KDM4C: variants seen among roughly 807,000 people sequenced by gnomAD.
KDM4C encodes the protein lysine demethylase 4C, also known as lysine-specific demethylase 4C.
KDM4C carries 81 observed loss-of-function variants against 129.3 expected under a neutral mutation model. The observed-to-expected ratio is 0.63, with a 90% CI of 0.52 to 0.75. KDM4C has a LOEUF of 0.75. Among genes scored for constraint, KDM4C ranks in the 30% least tolerant of loss-of-function variants. The probability of loss-of-function intolerance (pLI) is 0.00; values close to 1 mark genes in which losing one functional copy is unlikely to be tolerated. For missense variants in KDM4C, 1,457 were observed against 1,304.0 expected (o/e 1.12, Z -1.81); for synonymous variants, 573 against 456.1 (o/e 1.26, Z -3.26).
chr9:6,807,872 G>T (rs1365719693), intron 3 of KDM4C, among the ~76,000 whole-genome samples: 1 of 141,126 alleles, frequency 7.1e-6, no homozygotes, highest in African/African-American at 2.7e-5. Flanking sequence ...CTGGCCAGCC[G>T]CCCCGTCCGG....
chr9:6,939,957 C>G (rs913364140), intron 8 of KDM4C, among the ~76,000 whole-genome samples: 4 of 107,396 alleles, frequency 3.7e-5, no homozygotes, highest in Non-Finnish European at 8.5e-5. Flanking sequence ...AATCCAATAA[C>G]CAACCTACCT....
chr9:7,164,677 C>A (rs2130411499), intron 19 of KDM4C, among the ~76,000 whole-genome samples: 1 of 152,298 alleles, frequency 6.6e-6, no homozygotes, highest in East Asian at 1.9e-4. Context: ...AATCGCACGC[C>A]ATTTGTCCCC....
intron 21 of KDM4C, chr9:7,170,833 C>A (rs2130504519): frequency 1.1e-6 from 1 of 891,018 alleles, no homozygotes; most frequent in African/African-American, 1.9e-5. Context: ...GATGTCCAAT[C>A]TTTTTGCATC....
chr9:6,851,579 T>C (rs1838855510), intron 5 of KDM4C, among the ~76,000 whole-genome samples: 1 of 152,202 alleles, frequency 6.6e-6, no homozygotes, highest in Non-Finnish European at 1.5e-5. Context: ...ATACTATGTC[T>C]TGCTTAAGAA....
At chr9:7,044,910 G>T (rs191556145) in intron 15 of KDM4C, among the ~76,000 whole-genome samples, 1 of 151,944 alleles carries the variant, frequency 6.6e-6, no homozygotes, top group Non-Finnish European at 1.5e-5. Context: ...AGGACAATGA[G>T]GAGTCTAAGG....
chr9:6,841,460 A>T (rs1006271062), intron 4 of KDM4C, among the ~76,000 whole-genome samples: 1 of 152,350 alleles, frequency 6.6e-6, no homozygotes, highest in South Asian at 2.1e-4. Context: ...AACAAGGTTC[A>T]TATAGACTTT....
chr9:6,735,004 A>G (rs770832596), intron 1 of KDM4C: 51 of 535,076 alleles, frequency 9.5e-5, no homozygotes, highest in Non-Finnish European at 1.6e-4. Context: ...GGGTTTGGGT[A>G]TTACTGCATT....
intron 4 of KDM4C, among the ~76,000 whole-genome samples, chr9:6,831,891 T>C (rs1446851764): frequency 2.0e-5 from 3 of 152,182 alleles, no homozygotes; most frequent in Non-Finnish European, 4.4e-5. Flanking sequence ...GCAGTTTTCA[T>C]TCAGCTATAT....
chr9:6,999,972 CTGTT>C (rs1820436440), intron 12 of KDM4C, among the ~76,000 whole-genome samples: 1 of 152,166 alleles, frequency 6.6e-6, no homozygotes, highest in Non-Finnish European at 1.5e-5. Context: ...ATAGTTCTGT[CTGTT>C]TAAGCAATAA....
At position 7,037,840 on chromosome 9, in the gene KDM4C, A is replaced by ATG. The variant is rs144237770; in HGVS notation, c.2260-9021_2260-9020insGT. On this transcript the variant is annotated intron_variant, in intron 15 of 21. Coordinates refer to ENST00000381309, the MANE Select transcript of KDM4C (RefSeq NM_015061.6). The stretch of plus-strand genomic sequence containing the variant: ...TGTTACAACAGGCATTTTAGTATAT[A>ATG]TATTTTCTGTTTTGTTTTGGGGAAC... 4.2e-3 allele frequency among the ~76,000 whole-genome samples: 645 copies of ATG among 152,218 alleles called. 3 individuals carry two copies. The highest frequency in any genetic ancestry group is 0.014 in the African/African-American group (602 of 41,552).
At chr9:6,917,937 G>A (rs1416289672) in intron 8 of KDM4C, among the ~76,000 whole-genome samples, 2 of 151,972 alleles carry the variant, frequency 1.3e-5, no homozygotes, top group African/African-American at 2.4e-5. Context: ...GCATCATCAC[G>A]TTTTCCTTCT....
At chr9:7,161,300 C>A (rs1843759879) in intron 19 of KDM4C, among the ~76,000 whole-genome samples, 1 of 152,160 alleles carries the variant, frequency 6.6e-6, no homozygotes, top group African/African-American at 2.4e-5. Context: ...TGAGGTGATG[C>A]CCCACCCTGC....
intron 2 of KDM4C, among the ~76,000 whole-genome samples, chr9:6,797,389 A>C (rs1292293321): frequency 6.6e-6 from 1 of 152,198 alleles, no homozygotes; most frequent in African/African-American, 2.4e-5. Context: ...TTCAGATGAC[A>C]GTCTGTCTTG....
chr9:6,983,522 G>C (rs575471561), intron 9 of KDM4C, among the ~76,000 whole-genome samples: 1 of 151,220 alleles, frequency 6.6e-6, no homozygotes, highest in African/African-American at 2.4e-5. Flanking sequence ...GATCACTTGA[G>C]GCCAGGAGTT....
intron 4 of KDM4C, 28 bp from the exon 5 acceptor site, chr9:6,849,479 C>G (rs200071073): frequency 6.7e-7 from 1 of 1,493,986 alleles, no homozygotes; most frequent in South Asian, 1.4e-5. Flanking sequence ...GATTTGATTT[C>G]TCTCTCTTTT....
At chr9:6,778,596 G>A (rs57448231) in intron 1 of KDM4C, among the ~76,000 whole-genome samples, 2 of 150,928 alleles carry the variant, frequency 1.3e-5, no homozygotes, top group Non-Finnish European at 3.0e-5. Flanking sequence ...GTGAAACCCC[G>A]CCTCTACTAA....
intron 17 of KDM4C, chr9:7,077,383 C>CT: frequency 1.4e-5 from 3 of 208,576 alleles, no homozygotes; most frequent in Non-Finnish European, 1.7e-5. Flanking sequence ...AATAGAATAG[C>CT]ATGCTATTTA....
intron 19 of KDM4C, among the ~76,000 whole-genome samples, chr9:7,136,875 G>C (rs1841264047): frequency 6.6e-6 from 1 of 152,168 alleles, no homozygotes; most frequent in Non-Finnish European, 1.5e-5. Flanking sequence ...TTTAAAATTT[G>C]AGTTCATGAA....
chr9:7,044,233 T>A (rs571659407), intron 15 of KDM4C, among the ~76,000 whole-genome samples: 38 of 152,014 alleles, frequency 2.5e-4, no homozygotes, highest in South Asian at 6.2e-4. Flanking sequence ...TTCAAGAATG[T>A]GTTTAGTTTA....
Sources: gnomAD v4.1 joint callset for allele counts (sites outside exome capture counted in the v4.1 genomes callset) on GRCh38, gnomAD v4.1.1 for gene constraint, MANE v1.5 for transcripts, NCBI Gene and HGNC (gene_info 2026-07-23, HGNC 2026-07-21) for gene names.